Variants in LRP1B observed in about 807,000 individuals in gnomAD.
LRP1B encodes low-density lipoprotein receptor-related protein 1B.
Under a neutral mutation model 556.6 loss-of-function variants are expected in LRP1B, and 217 were observed. That is an observed-to-expected ratio of 0.39 (90% confidence interval 0.35 to 0.44). LRP1B has a LOEUF of 0.44. LRP1B is among the 20% of genes least tolerant of loss of function. The pLI is 1.00. For missense variants in LRP1B, 5,053 were observed against 5,620.8 expected, an observed-to-expected ratio of 0.90 and a Z score of 3.23; for synonymous variants, 2,047 against 1,865.8, an observed-to-expected ratio of 1.10 and a Z score of -2.50.
At chr2:140,394,425 G>A (rs1308877118) in intron 66 of LRP1B, among the ~76,000 whole-genome samples, 2 of 152,064 alleles carry the variant, frequency 1.3e-5, no homozygotes, top group Non-Finnish European at 2.9e-5. Context: ...ATTGTATGGT[G>A]GCCAGGTGAT....
At chr2:141,390,036 G>A (rs1689988288) in intron 3 of LRP1B, among the ~76,000 whole-genome samples, 1 of 152,116 alleles carries the variant, frequency 6.6e-6, no homozygotes, top group Non-Finnish European at 1.5e-5. Context: ...TACTCAGGGG[G>A]CTGAGGCAAG....
intron 31 of LRP1B, among the ~76,000 whole-genome samples, chr2:140,818,830 G>A (rs755972097): frequency 1.3e-5 from 2 of 151,860 alleles, no homozygotes; most frequent in South Asian, 2.1e-4. Context: ...GTAGCTACTC[G>A]GGAGGCTGAG....
At chr2:140,755,806 G>A (rs1688725415) in intron 35 of LRP1B, among the ~76,000 whole-genome samples, 1 of 151,940 alleles carries the variant, frequency 6.6e-6, no homozygotes, top group African/African-American at 2.4e-5. Context: ...AAACATTTCT[G>A]TTTAACATAG....
intron 1 of LRP1B, among the ~76,000 whole-genome samples, chr2:141,875,939 A>G (rs968775716): frequency 2.6e-5 from 4 of 152,032 alleles, no homozygotes; most frequent in African/African-American, 9.7e-5. Flanking sequence ...TCTAAAGCTA[A>G]TTTAAGAGTT....
chr2:141,650,172 G>A (rs1689731936), intron 2 of LRP1B, among the ~76,000 whole-genome samples: 1 of 152,100 alleles, frequency 6.6e-6, no homozygotes, highest in African/African-American at 2.4e-5. Context: ...AGAGCAAAGA[G>A]GAATGTCAAT....
Position 140,231,839 on chromosome 2 carries a change from A to C in LRP1B, c.*1347T>G, listed in dbSNP as rs1282542220. ...AGTCAGTCATGTCTATCAGAGGAAC[A>C]AAAAGCCCTCCAAAACTTGTGAATA... On this transcript the variant is annotated 3_prime_UTR_variant, in exon 91 of 91. Coordinates refer to ENST00000389484, the MANE Select transcript of LRP1B (RefSeq NM_018557.3). 6.6e-6 allele frequency: 1 copy of C among 151,810 alleles called. No individual in the cohort carries two copies. Among genetic ancestry groups the C allele is most frequent in the Non-Finnish European group, 1.5e-5 (1 of 67,574 alleles). The allele number at this position is 151,810 out of a possible 1,614,324, so 9.4% of individuals were successfully genotyped here. A position where few individuals can be genotyped will look rare whatever the true frequency, so the allele number is the denominator to read the frequency against.
intron 2 of LRP1B, among the ~76,000 whole-genome samples, chr2:141,500,186 T>C (rs1238355836): frequency 6.6e-6 from 1 of 152,102 alleles, no homozygotes; most frequent in Non-Finnish European, 1.5e-5. Context: ...AAATAACCCT[T>C]GTCTTCCATT....
At chr2:141,881,130 G>T (rs1314275038) in intron 1 of LRP1B, among the ~76,000 whole-genome samples, 1 of 151,928 alleles carries the variant, frequency 6.6e-6, no homozygotes, top group South Asian at 2.1e-4. Context: ...ATGAAGCATA[G>T]AAAATTAAAT....
intron 35 of LRP1B, among the ~76,000 whole-genome samples, chr2:140,734,759 C>CGGAGATACTAAT (rs1687891052): frequency 2.0e-5 from 3 of 151,758 alleles, no homozygotes; most frequent in African/African-American, 7.3e-5. Context: ...CAGATACTAA[C>CGGAGATACTAAT]GGAGGCCCTT....
At chr2:141,164,390 A>T (rs994323273) in intron 7 of LRP1B, among the ~76,000 whole-genome samples, 6 of 152,112 alleles carry the variant, frequency 3.9e-5, no homozygotes, top group Non-Finnish European at 8.8e-5. Flanking sequence ...GCCTAAACTG[A>T]TGAATAAAAA....
intron 7 of LRP1B, among the ~76,000 whole-genome samples, chr2:141,085,773 G>A (rs1700035702): frequency 6.6e-6 from 1 of 152,160 alleles, no homozygotes; most frequent in South Asian, 2.1e-4. Flanking sequence ...TACAGTCTAT[G>A]CTCAAATTTG....
intron 1 of LRP1B, among the ~76,000 whole-genome samples, chr2:141,836,719 C>T (rs780758610): frequency 9.9e-5 from 15 of 151,748 alleles, no homozygotes; most frequent in South Asian, 2.1e-4. Flanking sequence ...TATATTTGTG[C>T]GGAACATGAA....
chr2:141,908,130 C>A (rs1699808150), intron 1 of LRP1B, among the ~76,000 whole-genome samples: 1 of 152,042 alleles, frequency 6.6e-6, no homozygotes, highest in African/African-American at 2.4e-5. Context: ...ATAGGCATAA[C>A]TATTGCTATC....
chr2:141,692,734 A>G (rs1558808226), intron 2 of LRP1B, among the ~76,000 whole-genome samples: 1 of 151,992 alleles, frequency 6.6e-6, no homozygotes, highest in Admixed American at 6.6e-5. Context: ...GGTGCAGCCT[A>G]CTACACACCT....
chr2:140,788,757 A>G (rs1690000817), intron 32 of LRP1B, among the ~76,000 whole-genome samples: 2 of 152,226 alleles, frequency 1.3e-5, no homozygotes, highest in Admixed American at 1.3e-4. Context: ...ACTTTATTGC[A>G]TCCCCACAAA....
At chr2:142,092,004 G>A (rs532823496) in intron 1 of LRP1B, among the ~76,000 whole-genome samples, 31 of 152,266 alleles carry the variant, frequency 2.0e-4, no homozygotes, top group African/African-American at 7.2e-4. Flanking sequence ...CCATCTTGCT[G>A]CCAGCGGGTG....
chr2:141,714,610 A>G (rs1412015713), intron 2 of LRP1B, among the ~76,000 whole-genome samples: 1 of 152,046 alleles, frequency 6.6e-6, no homozygotes, highest in African/African-American at 2.4e-5. Context: ...AGAAATTTCC[A>G]AGTTGTTGCT....
At chr2:142,076,612 T>A (rs987021993) in intron 1 of LRP1B, among the ~76,000 whole-genome samples, 1 of 152,074 alleles carries the variant, frequency 6.6e-6, no homozygotes, top group Admixed American at 6.6e-5. Context: ...CCTGGAAAAC[T>A]GTATAAAACT....
At chr2:140,561,362 C>A (rs1360782389) in intron 43 of LRP1B, among the ~76,000 whole-genome samples, 1 of 152,164 alleles carries the variant, frequency 6.6e-6, no homozygotes, top group Non-Finnish European at 1.5e-5. Context: ...AGTCTGCTAG[C>A]ATTTGATCAT....
Sources: allele counts gnomAD v4.1 joint callset (sites outside exome capture counted in the v4.1 genomes callset), GRCh38; gene constraint gnomAD v4.1.1; transcripts MANE v1.5; gene names NCBI Gene and HGNC (gene_info 2026-07-23, HGNC 2026-07-21).